The following APBA2 variants were observed in gnomAD, a reference collection of about 807,000 sequenced individuals.
APBA2 encodes the protein amyloid beta precursor protein binding family A member 2, also known as amyloid-beta A4 precursor protein-binding family A member 2.
A neutral mutation model predicts 75.0 loss-of-function variants in APBA2; 30 were observed. That is an observed-to-expected ratio of 0.40 (90% CI 0.30 to 0.54). The LOEUF is 0.54. Among genes scored for constraint, APBA2 ranks in the 20% least tolerant of loss-of-function variants. The pLI is 0.49. For synonymous variants in APBA2, 444 were observed against 409.6 expected (o/e 1.08, Z -1.01); for missense variants, 801 against 1,016.1 (o/e 0.79, Z 2.88).
At chr15:28,929,026 A>G (rs2034426985) in intron 2 of APBA2, among the ~76,000 whole-genome samples, 1 of 152,206 alleles carries the variant, frequency 6.6e-6, no homozygotes. Flanking sequence ...ATGAGTCCAA[A>G]GAAGGTCATT....
At chr15:28,892,890 C>T (rs1008199473) in intron 1 of APBA2, among the ~76,000 whole-genome samples, 11 of 152,204 alleles carry the variant, frequency 7.2e-5, no homozygotes, top group African/African-American at 2.7e-4. Flanking sequence ...AGGAAAACCA[C>T]TAATTGAGTG....
chr15:29,029,107 T>C (rs8034270), intron 3 of APBA2, among the ~76,000 whole-genome samples: 20,671 of 152,018 alleles, frequency 0.14, 2,673 homozygotes, highest in African/African-American at 0.33. Context: ...AATGGTATTG[T>C]CTAGATTTTC....
At chr15:28,895,093 A>G (rs1374590729) in intron 1 of APBA2, among the ~76,000 whole-genome samples, 4 of 152,204 alleles carry the variant, frequency 2.6e-5, no homozygotes, top group Admixed American at 2.0e-4. Context: ...TGTTTTTCTA[A>G]AAGAACGACA....
At chr15:29,036,537 C>T (rs1055903095) in intron 3 of APBA2, among the ~76,000 whole-genome samples, 3 of 152,006 alleles carry the variant, frequency 2.0e-5, no homozygotes, top group South Asian at 4.2e-4. Context: ...CCCCAGCAAG[C>T]GATATGGGGC....
At position 28,896,649 on chromosome 15, in the gene APBA2, C is replaced by T. The variant is rs143730357; in HGVS notation, c.-205+10371C>T. 9.2e-5 allele frequency among the ~76,000 whole-genome samples: 14 copies of T among 152,282 alleles called. No individual in the cohort carries two copies. The East Asian group carries it at 1.9e-3, about 21-fold the overall frequency. On this transcript the variant is annotated intron_variant, in intron 1 of 14. Coordinates refer to ENST00000683413, the MANE Select transcript of APBA2 (RefSeq NM_001353788.2). Reference sequence around the variant, plus strand: ...ATCCATTGTGTTTCACAGCAGGGATCACTGCCTGGCTCGCCTGTCATGGTG... The same window carrying T: ...ATCCATTGTGTTTCACAGCAGGGATTACTGCCTGGCTCGCCTGTCATGGTG...
chr15:28,947,345 G>A (rs1187658368), intron 2 of APBA2, among the ~76,000 whole-genome samples: 3 of 152,210 alleles, frequency 2.0e-5, no homozygotes, highest in African/African-American at 4.8e-5. Flanking sequence ...CTGACTGGCC[G>A]TCCTCGTGGG....
chr15:29,041,716 T>C (rs1207381275), intron 3 of APBA2, among the ~76,000 whole-genome samples: 1 of 151,996 alleles, frequency 6.6e-6, no homozygotes, highest in Admixed American at 6.6e-5. Context: ...TTCATTGCAA[T>C]CCCAATCAAA....
rs768061422 is a variant in APBA2, at chr15:29,106,659, C to T, written c.1757C>T (p.Ser586Leu). Reference sequence around the variant, plus strand: ...ATCCTGGGCGTGGTGGTGGTGGAGTCGGGCTGGGGCTCCATCCTGCCCACG... The same window carrying T: ...ATCCTGGGCGTGGTGGTGGTGGAGTTGGGCTGGGGCTCCATCCTGCCCACG... ...GEILGVVVVE[S>L]GWGSILPTVI... Residue 586 changes from serine (S) to leucine (L), a missense_variant, in exon 12 of 15, where the codon TCG becomes TTG. Transcript: ENST00000683413. The T allele has an allele frequency of 4.3e-6, 7 of 1,613,074 alleles. No individual in the cohort carries two copies. Among genetic ancestry groups the T allele is most frequent in the Non-Finnish European group, 5.9e-6 (7 of 1,179,998 alleles).
At chr15:28,906,188 C>CT (rs996181301) in intron 1 of APBA2, among the ~76,000 whole-genome samples, 3 of 152,104 alleles carry the variant, frequency 2.0e-5, no homozygotes. Flanking sequence ...CAGCATTATT[C>CT]TTTTTTAAAA....
At chr15:28,898,933 T>C (rs1469236125) in intron 1 of APBA2, among the ~76,000 whole-genome samples, 1 of 152,250 alleles carries the variant, frequency 6.6e-6, no homozygotes, top group East Asian at 1.9e-4. Flanking sequence ...AAGATGTATA[T>C]AGATTTAATT....
At chr15:29,088,543 T>A (rs1040618351) in intron 6 of APBA2, among the ~76,000 whole-genome samples, 1 of 152,062 alleles carries the variant, frequency 6.6e-6, no homozygotes, top group African/African-American at 2.4e-5. Context: ...CACCTTTCCG[T>A]CCTGTTGATG....
At position 29,016,735 on chromosome 15, in the gene APBA2, G is replaced by A. The variant is rs562921356; in HGVS notation, c.-41+20929G>A. ...TTTTTCTGTCCATGTGTCACCCCCT[G>A]TCAGTGTGTTACTGGGTGCAGGTGT... On this transcript the variant is annotated intron_variant, in intron 3 of 14. Coordinates refer to ENST00000683413, the MANE Select transcript of APBA2 (RefSeq NM_001353788.2). 1.7e-3 allele frequency among the ~76,000 whole-genome samples: 252 copies of A among 152,244 alleles called. 1 individual carries two copies. Among genetic ancestry groups the A allele is most frequent in the African/African-American group, 6.0e-3 (250 of 41,526 alleles).
At chr15:28,980,508 C>G (rs1279543381) in intron 2 of APBA2, among the ~76,000 whole-genome samples, 2 of 152,216 alleles carry the variant, frequency 1.3e-5, no homozygotes, top group East Asian at 3.9e-4. Flanking sequence ...ATACTTAGGA[C>G]TACAGCGAAC....
At chr15:28,888,562 G>A (rs1365736973) in intron 1 of APBA2, among the ~76,000 whole-genome samples, 1 of 152,206 alleles carries the variant, frequency 6.6e-6, no homozygotes, top group East Asian at 1.9e-4. Context: ...GGCCTCAGGT[G>A]ACACCATGGT....
At chr15:28,927,707 A>G (rs931937057) in intron 2 of APBA2, among the ~76,000 whole-genome samples, 4 of 151,048 alleles carry the variant, frequency 2.6e-5, no homozygotes, top group Admixed American at 6.6e-5. Flanking sequence ...GATTACAGGC[A>G]TGAGCCGCTG....
At chr15:28,978,271 A>G (rs942194123) in intron 2 of APBA2, among the ~76,000 whole-genome samples, 1 of 152,206 alleles carries the variant, frequency 6.6e-6, no homozygotes, top group African/African-American at 2.4e-5. Context: ...CATAAGCCGC[A>G]TGATCCGTGA....
intron 3 of APBA2, among the ~76,000 whole-genome samples, chr15:29,010,072 A>C (rs1304599766): frequency 2.0e-5 from 3 of 152,138 alleles, no homozygotes; most frequent in Non-Finnish European, 4.4e-5. Flanking sequence ...TGGTGGTGTT[A>C]GTCATTTTAA....
At chr15:28,960,474 A>G (rs922994541) in intron 2 of APBA2, among the ~76,000 whole-genome samples, 2 of 151,768 alleles carry the variant, frequency 1.3e-5, no homozygotes, top group Non-Finnish European at 2.9e-5. Context: ...AAAAAAAAAA[A>G]AAGAGCACTT....
chr15:28,903,500 T>C (rs1286589086), intron 1 of APBA2, among the ~76,000 whole-genome samples: 5 of 152,208 alleles, frequency 3.3e-5, no homozygotes, highest in Non-Finnish European at 7.3e-5. Context: ...CCATTTCAGC[T>C]TCAAGTTACA....
Sources: gnomAD v4.1 joint callset for allele counts (sites outside exome capture counted in the v4.1 genomes callset) on GRCh38, gnomAD v4.1.1 for gene constraint, MANE v1.5 for transcripts, NCBI Gene and HGNC (gene_info 2026-07-23, HGNC 2026-07-21) for gene names.